UVRAG: variants seen among roughly 807,000 people sequenced by gnomAD.
UVRAG encodes UV radiation resistance associated.
UVRAG carries 19 observed loss-of-function variants against 78.0 expected under a neutral mutation model. The ratio of observed to expected loss-of-function variants is 0.24; its 90% CI spans 0.17 to 0.36. The LOEUF (loss-of-function observed/expected upper bound fraction) is 0.36. UVRAG is among the 10% of genes least tolerant of loss of function. The probability of loss-of-function intolerance (pLI) is 1.00; values close to 1 mark genes in which losing one functional copy is unlikely to be tolerated. For synonymous variants in UVRAG, 323 were observed against 324.6 expected (o/e 1.00, Z 0.05); for missense variants, 740 against 853.8 (o/e 0.87, Z 1.66).
chr11:76,092,729 A>G (rs1040850568), intron 13 of UVRAG, among the ~76,000 whole-genome samples: 3 of 151,958 alleles, frequency 2.0e-5, no homozygotes, highest in African/African-American at 7.3e-5. Flanking sequence ...TAGATTCTGG[A>G]TATTAGCCCT....
intron 12 of UVRAG, among the ~76,000 whole-genome samples, chr11:76,054,984 A>G (rs1394542021): frequency 6.6e-6 from 1 of 152,170 alleles, no homozygotes; most frequent in East Asian, 1.9e-4. Context: ...TCTAATTTCA[A>G]ATGCTCTTAC....
At chr11:75,929,567 A>G (rs961689481) in intron 6 of UVRAG, among the ~76,000 whole-genome samples, 3 of 152,166 alleles carry the variant, frequency 2.0e-5, no homozygotes, top group Non-Finnish European at 4.4e-5. Flanking sequence ...GTGCTCAGTC[A>G]TATTTTTATT....
At chr11:75,855,920 A>G (rs991669454) in intron 2 of UVRAG, among the ~76,000 whole-genome samples, 5 of 152,232 alleles carry the variant, frequency 3.3e-5, no homozygotes, top group African/African-American at 1.2e-4. Flanking sequence ...ATCCCCAGAG[A>G]ACAAAGCCTT....
Position 76,128,497 on chromosome 11 carries a change from A to G in UVRAG, c.1398-12214A>G, listed in dbSNP as rs140131655. Among the ~76,000 whole-genome samples the G allele has an allele frequency of 2.8e-3, 427 of 152,354 alleles. 3 individuals carry two copies. Among genetic ancestry groups the G allele is most frequent in the African/African-American group, 9.9e-3 (410 of 41,574 alleles). On this transcript the variant is annotated intron_variant, in intron 14 of 14. Transcript: ENST00000356136. ...ATCGAATGCACTGTCCTAAGTTTCAAGAAGGCTTAGCAATATGGTCTTTGC... is the reference window on the plus strand; with the variant it reads ...ATCGAATGCACTGTCCTAAGTTTCAGGAAGGCTTAGCAATATGGTCTTTGC...
chr11:76,031,675 G>A (rs1591155399), intron 12 of UVRAG, among the ~76,000 whole-genome samples: 1 of 152,122 alleles, frequency 6.6e-6, no homozygotes, highest in Non-Finnish European at 1.5e-5. Flanking sequence ...TCTAGTTTTC[G>A]GTATACTCAA....
chr11:75,984,142 T>A (rs976755242), intron 8 of UVRAG, among the ~76,000 whole-genome samples: 7 of 152,212 alleles, frequency 4.6e-5, no homozygotes, highest in African/African-American at 1.7e-4. Flanking sequence ...TGAATTTTGA[T>A]CTTTTTCCAG....
At chr11:75,973,412 A>C (rs1949165308) in intron 7 of UVRAG, among the ~76,000 whole-genome samples, 1 of 152,158 alleles carries the variant, frequency 6.6e-6, no homozygotes, top group South Asian at 2.1e-4. Flanking sequence ...CATGTTGTGT[A>C]ATTATTCTTA....
chr11:75,909,697 G>A (rs1051669113), intron 5 of UVRAG, among the ~76,000 whole-genome samples: 1 of 152,136 alleles, frequency 6.6e-6, no homozygotes, highest in African/African-American at 2.4e-5. Context: ...TTGTCTAGTT[G>A]ATTGTTTTTT....
At chr11:75,826,246 CCT>C (rs1945507930) in intron 1 of UVRAG, among the ~76,000 whole-genome samples, 2 of 152,144 alleles carry the variant, frequency 1.3e-5, no homozygotes, top group Non-Finnish European at 2.9e-5. Context: ...ACCTCTGTCT[CCT>C]GGGTTCAAGT....
intron 13 of UVRAG, among the ~76,000 whole-genome samples, chr11:76,088,355 C>T (rs1054123744): frequency 4.6e-5 from 7 of 152,042 alleles, no homozygotes; most frequent in South Asian, 2.1e-4. Context: ...ATGAGAAAAA[C>T]GAGGACGAGG....
intron 6 of UVRAG, among the ~76,000 whole-genome samples, chr11:75,942,777 G>T (rs2135141092): frequency 6.6e-6 from 1 of 152,230 alleles, no homozygotes; most frequent in Middle Eastern, 3.4e-3. Flanking sequence ...TTTAGCTTGT[G>T]GAAGAATTAG....
chr11:75,976,733 T>C (rs940284692), intron 7 of UVRAG, among the ~76,000 whole-genome samples: 1 of 152,238 alleles, frequency 6.6e-6, no homozygotes, highest in Non-Finnish European at 1.5e-5. Context: ...TCATTTGTTA[T>C]TGCGTCTATT....
chr11:76,031,084 A>G (rs1392277722), intron 12 of UVRAG, among the ~76,000 whole-genome samples: 3 of 152,070 alleles, frequency 2.0e-5, no homozygotes, highest in South Asian at 2.1e-4. Context: ...TGCAAATTCT[A>G]TTAGGTAATC....
chr11:76,103,535 T>TG (rs1205929679), intron 13 of UVRAG, among the ~76,000 whole-genome samples: 1 of 143,508 alleles, frequency 7.0e-6, no homozygotes, highest in Non-Finnish European at 1.5e-5. Flanking sequence ...ATTGCTGTTT[T>TG]GGTTTTTTTT....
intron 1 of UVRAG, among the ~76,000 whole-genome samples, chr11:75,847,899 A>T (rs1946069116): frequency 1.3e-5 from 2 of 148,960 alleles, no homozygotes; most frequent in African/African-American, 5.0e-5. Flanking sequence ...TGAACCCGGG[A>T]GGCGGAGATT....
chr11:75,828,755 A>G (rs1206802314), intron 1 of UVRAG, among the ~76,000 whole-genome samples: 1,741 of 83,924 alleles, frequency 0.021, 57 homozygotes, highest in African/African-American at 0.1. Flanking sequence ...ATACACACAC[A>G]TATATATATA....
At chr11:75,903,169 C>T (rs890277102) in intron 5 of UVRAG, among the ~76,000 whole-genome samples, 1 of 152,072 alleles carries the variant, frequency 6.6e-6, no homozygotes, top group African/African-American at 2.4e-5. Context: ...TTTGAACCCT[C>T]ATTATGTCTA....
intron 1 of UVRAG, among the ~76,000 whole-genome samples, chr11:75,841,035 T>A (rs1299925696): frequency 6.6e-6 from 1 of 152,222 alleles, no homozygotes. Flanking sequence ...AGGTTTATAT[T>A]TGTTACCTCT....
chr11:75,976,460 G>A (rs56071239), intron 7 of UVRAG, among the ~76,000 whole-genome samples: 19,344 of 152,076 alleles, frequency 0.13, 3,122 homozygotes, highest in African/African-American at 0.38. Context: ...TCCTCTTTGT[G>A]CCTCTGGTAG....
Sources: allele counts gnomAD v4.1 joint callset (sites outside exome capture counted in the v4.1 genomes callset), GRCh38; gene constraint gnomAD v4.1.1; transcripts MANE v1.5; gene names NCBI Gene and HGNC (gene_info 2026-07-23, HGNC 2026-07-21).